Variants in FSTL4 observed in about 807,000 individuals in gnomAD.
FSTL4 encodes the protein follistatin like 4.
Under a neutral mutation model 78.2 loss-of-function variants are expected in FSTL4, and 28 were observed. The observed-to-expected ratio is 0.36, with a 90% CI of 0.27 to 0.49. The LOEUF is 0.49. Ranked by LOEUF, FSTL4 falls within the 20% of genes least tolerant of loss-of-function variation. The pLI is 0.98. For missense variants in FSTL4, 922 were observed against 1,084.9 expected (o/e 0.85, Z 2.11); for synonymous variants, 422 against 440.5 (o/e 0.96, Z 0.53).
chr5:133,642,637 G>T, the FSTL4 span, among the ~76,000 whole-genome samples: 2 of 152,182 alleles, frequency 1.3e-5, no homozygotes, highest in Non-Finnish European at 2.9e-5. Flanking sequence ...TGCAAATTTT[G>T]CAGGGTGGAA....
rs1176179485 is a variant in FSTL4, at chr5:133,196,625, C to A, written c.*2470G>T. 1 of 152,170 alleles carries A rather than the reference C, an allele frequency of 6.6e-6. No individual in the cohort carries two copies. Among genetic ancestry groups the A allele is most frequent in the Non-Finnish European group, 1.5e-5 (1 of 68,060 alleles). 9.4% of individuals were successfully genotyped at this position (152,170 alleles called of 1,614,324 possible). On this transcript the variant is annotated 3_prime_UTR_variant, in exon 16 of 16. Coordinates refer to ENST00000265342, the MANE Select transcript of FSTL4 (RefSeq NM_015082.2). ...CCGGCTGGGCTTGCTACAGGAGGCC[C>A]CCCTGTAGTGAGGCATTTCCTCCCA...
chr5:133,568,657 T>C (rs1327345894), intron 2 of FSTL4, among the ~76,000 whole-genome samples: 1 of 152,200 alleles, frequency 6.6e-6, no homozygotes, highest in African/African-American at 2.4e-5. Flanking sequence ...GGCATAGAGA[T>C]GACAGGTTAA....
In FSTL4 at chr5:133,332,369, T is replaced by C. The variant is rs570150217; in HGVS notation, c.410-15717A>G. 6.6e-5 allele frequency among the ~76,000 whole-genome samples: 10 copies of C among 152,342 alleles called. No homozygotes were observed. In the East Asian group the frequency reaches 1.9e-3, roughly 29 times the overall value. ...CCTGAGAATGGCCTCCTGGCTGCCT[T>C]GTCTGTCATGGTAATGGATTCAGAT... is the stretch of plus-strand genomic sequence containing the variant. On this transcript the variant is annotated intron_variant, in intron 4 of 15. Coordinates refer to ENST00000265342, the MANE Select transcript of FSTL4 (RefSeq NM_015082.2).
the FSTL4 span, among the ~76,000 whole-genome samples, chr5:133,675,948 C>A: frequency 6.1e-4 from 93 of 152,190 alleles, no homozygotes; most frequent in African/African-American, 1.8e-3. Context: ...GCCCTGGGAC[C>A]AATGGGAATG....
At chr5:133,812,974 G>T in the FSTL4 span, among the ~76,000 whole-genome samples, 1 of 152,114 alleles carries the variant, frequency 6.6e-6, no homozygotes, top group African/African-American at 2.4e-5. Context: ...CCAAAAGACA[G>T]TTCAGTGGAA....
the FSTL4 span, among the ~76,000 whole-genome samples, chr5:133,702,204 C>T: frequency 2.6e-5 from 4 of 152,222 alleles, no homozygotes; most frequent in Non-Finnish European, 4.4e-5. Context: ...ATGCAAATGT[C>T]ATCACACATT....
At chr5:133,258,283 G>C (rs1752432343) in intron 6 of FSTL4, among the ~76,000 whole-genome samples, 1 of 152,176 alleles carries the variant, frequency 6.6e-6, no homozygotes, top group Non-Finnish European at 1.5e-5. Context: ...CCAGATATTT[G>C]TTCGAGCATT....
chr5:133,584,935 G>A (rs1285790987), intron 2 of FSTL4, among the ~76,000 whole-genome samples: 1 of 34,640 alleles, frequency 2.9e-5, no homozygotes, highest in Admixed American at 3.5e-4. Context: ...CGGATCTCTC[G>A]GCAGAAACCC....
chr5:133,785,086 G>A, the FSTL4 span, among the ~76,000 whole-genome samples: 1 of 152,098 alleles, frequency 6.6e-6, no homozygotes, highest in African/African-American at 2.4e-5. Flanking sequence ...ATCTACTCCC[G>A]ACAGGGCACA....
At position 133,440,319 on chromosome 5, in the gene FSTL4, C is replaced by G. The variant is rs1338862410; in HGVS notation, c.161-39333G>C. On this transcript the variant is annotated intron_variant, in intron 3 of 15. Coordinates refer to ENST00000265342, the MANE Select transcript of FSTL4 (RefSeq NM_015082.2). This position sits in a 1 kb window ranked among gnomAD's most constrained non-coding sequence, Gnocchi z 4.1. ...TCAGGGGTGCCCGTAAGATGCCTCA[C>G]CAAGCCTGTTTTTGGCAAGGGTTTG... Among the ~76,000 whole-genome samples the G allele has an allele frequency of 6.6e-6, 1 of 152,188 alleles. No individual in the cohort carries two copies. Among genetic ancestry groups the G allele is most frequent in the Admixed American group, 6.5e-5 (1 of 15,292 alleles).
chr5:133,638,689 T>C, the FSTL4 span, among the ~76,000 whole-genome samples: 1 of 152,228 alleles, frequency 6.6e-6, no homozygotes, highest in Non-Finnish European at 1.5e-5. Context: ...TAGCACTTAC[T>C]GTCTTTCAGC....
At chr5:133,326,857 G>A (rs1248644650) in intron 4 of FSTL4, among the ~76,000 whole-genome samples, 13 of 152,158 alleles carry the variant, frequency 8.5e-5, no homozygotes, top group Admixed American at 8.5e-4. Context: ...TGCTAACAGG[G>A]ACCTACGGTG....
chr5:133,691,248 C>A, the FSTL4 span, among the ~76,000 whole-genome samples: 2 of 152,306 alleles, frequency 1.3e-5, no homozygotes, highest in South Asian at 2.1e-4. Context: ...ATATGTGTTT[C>A]CTATGCCAAA....
chr5:133,648,487 A>G, the FSTL4 span, among the ~76,000 whole-genome samples: 1 of 152,100 alleles, frequency 6.6e-6, no homozygotes, highest in East Asian at 1.9e-4. Flanking sequence ...CCCATACCTG[A>G]CCCTCAGCAA....
chr5:133,712,933 G>A, the FSTL4 span, among the ~76,000 whole-genome samples: 35 of 152,312 alleles, frequency 2.3e-4, no homozygotes, highest in South Asian at 4.1e-4. Context: ...CCCCTGCCAC[G>A]GGATAGATGA....
At chr5:133,525,263 A>T (rs1423616472) in intron 3 of FSTL4, among the ~76,000 whole-genome samples, 1 of 152,214 alleles carries the variant, frequency 6.6e-6, no homozygotes, top group Admixed American at 6.5e-5. Flanking sequence ...GCCAAGCGTG[A>T]TGCTTGATGA....
At chr5:133,672,338 C>A in the FSTL4 span, among the ~76,000 whole-genome samples, 1 of 152,296 alleles carries the variant, frequency 6.6e-6, no homozygotes, top group Non-Finnish European at 1.5e-5. Flanking sequence ...TGGAGCACAG[C>A]CCCCAGCCAC....
chr5:133,816,245 G>A, the FSTL4 span, among the ~76,000 whole-genome samples: 1 of 152,210 alleles, frequency 6.6e-6, no homozygotes, highest in African/African-American at 2.4e-5. Context: ...CTTGCACTCT[G>A]GGCTGCTGGA....
intron 5 of FSTL4, among the ~76,000 whole-genome samples, chr5:133,314,349 A>C (rs1753853329): frequency 1.3e-5 from 2 of 152,216 alleles, no homozygotes; most frequent in Non-Finnish European, 2.9e-5. Context: ...CCCGGGGGCC[A>C]TGGGCAGCAA....
Sources: gnomAD v4.1 joint callset for allele counts (sites outside exome capture counted in the v4.1 genomes callset) on GRCh38, gnomAD v4.1.1 for gene constraint, Gnocchi (gnomAD v3.1) non-coding constraint, MANE v1.5 for transcripts, NCBI Gene and HGNC (gene_info 2026-07-23, HGNC 2026-07-21) for gene names.